The following CRACD variants were observed in gnomAD, a reference collection of about 807,000 sequenced individuals.
CRACD encodes the protein capping protein inhibiting regulator of actin dynamics.
CRACD carries 56 observed loss-of-function variants against 106.8 expected under a neutral mutation model. That is an observed-to-expected ratio of 0.52 (90% CI 0.42 to 0.66). The LOEUF (loss-of-function observed/expected upper bound fraction) is 0.66. CRACD is among the 30% of genes least tolerant of loss of function. The pLI is 0.00. For synonymous variants in CRACD, 754 were observed against 670.8 expected, an observed-to-expected ratio of 1.12 and a Z score of -1.92; for missense variants, 1,730 against 1,623.2, an observed-to-expected ratio of 1.07 and a Z score of -1.13.
intron 1 of CRACD, among the ~76,000 whole-genome samples, chr4:56,079,884 C>T (rs1319107856): frequency 6.6e-6 from 1 of 152,166 alleles, no homozygotes; most frequent in East Asian, 1.9e-4. Context: ...CCAGTTTAAT[C>T]ATTTGAATGA....
chr4:56,080,651 T>C (rs1337116048), intron 1 of CRACD, among the ~76,000 whole-genome samples: 5 of 152,194 alleles, frequency 3.3e-5, no homozygotes, highest in Admixed American at 3.3e-4. Context: ...TGAACTTGAG[T>C]ATTGTATGTG....
intron 1 of CRACD, among the ~76,000 whole-genome samples, chr4:56,131,191 A>G (rs904959881): frequency 2.6e-5 from 4 of 152,220 alleles, no homozygotes; most frequent in Non-Finnish European, 5.9e-5. Context: ...ACAACGTGGT[A>G]TAACCTAGGC....
At chr4:56,262,336 G>A (rs1278980052) in intron 2 of CRACD, among the ~76,000 whole-genome samples, 1 of 152,166 alleles carries the variant, frequency 6.6e-6, no homozygotes, top group Non-Finnish European at 1.5e-5. Flanking sequence ...GGTTATGTAT[G>A]TATGTGTTTT....
At chr4:56,122,631 C>T (rs1016132972) in intron 1 of CRACD, among the ~76,000 whole-genome samples, 8 of 152,222 alleles carry the variant, frequency 5.3e-5, no homozygotes, top group African/African-American at 1.9e-4. Context: ...CTGCCCCCAA[C>T]ATCTACCACT....
intron 1 of CRACD, among the ~76,000 whole-genome samples, chr4:56,150,023 A>T (rs1349428792): frequency 6.6e-6 from 1 of 152,208 alleles, no homozygotes; most frequent in Admixed American, 6.5e-5. Context: ...ATCAAGCCTC[A>T]CTTATAAAGC....
intron 8 of CRACD, among the ~76,000 whole-genome samples, chr4:56,319,612 GA>G (rs935178304): frequency 1.9e-3 from 265 of 138,144 alleles, no homozygotes; most frequent in African/African-American, 5.4e-3. Flanking sequence ...TCAAAAAAAG[GA>G]AAAAAAAAAA....
chr4:56,265,572 A>AAGGCATCTG (rs1373805983), intron 2 of CRACD, among the ~76,000 whole-genome samples: 2 of 152,226 alleles, frequency 1.3e-5, no homozygotes, highest in African/African-American at 4.8e-5. Context: ...AAGGCCAAAC[A>AAGGCATCTG]AGGCATCTGA....
chr4:56,183,193 G>A (rs560836039), intron 2 of CRACD, among the ~76,000 whole-genome samples: 79 of 143,218 alleles, frequency 5.5e-4, no homozygotes, highest in African/African-American at 1.9e-3. Context: ...AGATTGCGCC[G>A]TTGCACTCCA....
intron 1 of CRACD, among the ~76,000 whole-genome samples, chr4:56,108,959 A>G (rs1734034364): frequency 6.6e-6 from 1 of 152,208 alleles, no homozygotes; most frequent in Non-Finnish European, 1.5e-5. Context: ...CCTCCGGATG[A>G]CTGCAGGCAG....
chr4:56,057,808 T>C (rs573451665), intron 1 of CRACD, among the ~76,000 whole-genome samples: 70 of 59,316 alleles, frequency 1.2e-3, no homozygotes, highest in African/African-American at 3.8e-3. Context: ...TATTTTTTTT[T>C]TTTTTGTTTT....
chr4:56,198,423 C>G (rs562741132), intron 2 of CRACD, among the ~76,000 whole-genome samples: 15 of 152,274 alleles, frequency 9.9e-5, no homozygotes, highest in Middle Eastern at 3.4e-3. Context: ...TATAATACAA[C>G]AAGATATTCT....
At chr4:56,261,351 T>G (rs1006962776) in intron 2 of CRACD, among the ~76,000 whole-genome samples, 31 of 77,822 alleles carry the variant, frequency 4.0e-4, no homozygotes, top group Admixed American at 1.4e-3. Flanking sequence ...TGTTACTGCT[T>G]CTTCTTCTTC....
chr4:56,077,516 A>G (rs1732885314), intron 1 of CRACD, among the ~76,000 whole-genome samples: 1 of 152,232 alleles, frequency 6.6e-6, no homozygotes, highest in African/African-American at 2.4e-5. Context: ...AGCCTCATGT[A>G]AGTCCAAGTC....
At chr4:56,171,895 G>A (rs1736382521) in intron 1 of CRACD, among the ~76,000 whole-genome samples, 1 of 152,120 alleles carries the variant, frequency 6.6e-6, no homozygotes, top group South Asian at 2.1e-4. Context: ...ACAGCTTTAA[G>A]GAGGTCTGTT....
At chr4:56,151,713 G>C (rs2109891149) in intron 1 of CRACD, among the ~76,000 whole-genome samples, 1 of 151,844 alleles carries the variant, frequency 6.6e-6, no homozygotes, top group East Asian at 1.9e-4. Flanking sequence ...ATGTCTCTGT[G>C]GTCTCTAATC....
In CRACD at chr4:56,307,568, C is replaced by T. The variant is rs775295493; in HGVS notation, c.154C>T (p.Arg52Trp). ...GGGCAAGAATATCAAGTTTGGGCAG[C>T]GGTCACCCAATGCCATTCCCATGAA... ...QLGKNIKFGQ[R>W]SPNAIPMNKA... The change falls in exon 5 of 11, where the codon CGG becomes TGG. Residue 52 changes from arginine to tryptophan, a missense_variant. Coordinates refer to ENST00000682029, the MANE Select transcript of CRACD (RefSeq NM_001393381.1). The T allele has an allele frequency of 4.1e-5, 66 of 1,614,026 alleles. 2 individuals carry two copies. The South Asian group carries it at 4.2e-4, about 10-fold the overall frequency.
intron 3 of CRACD, among the ~76,000 whole-genome samples, chr4:56,276,418 A>G (rs1456256760): frequency 1.3e-5 from 2 of 152,178 alleles, no homozygotes; most frequent in African/African-American, 4.8e-5. Context: ...GTATTTCAAT[A>G]TTCCTTTGAC....
At chr4:56,188,622 C>CCCCTCTCT (rs1553908619) in intron 2 of CRACD, among the ~76,000 whole-genome samples, 1 of 121,546 alleles carries the variant, frequency 8.2e-6, no homozygotes, top group African/African-American at 3.6e-5. Context: ...ATCTGTCTAG[C>CCCCTCTCT]CTCTCTCTCT....
At chr4:56,257,251 C>T (rs4864573) in intron 2 of CRACD, among the ~76,000 whole-genome samples, 69,551 of 151,522 alleles carry the variant, frequency 0.46, 16,249 homozygotes, top group East Asian at 0.71. Flanking sequence ...CTGGCTAATT[C>T]TTATATTTTT....
Sources: gnomAD v4.1 joint callset for allele counts (sites outside exome capture counted in the v4.1 genomes callset) on GRCh38, gnomAD v4.1.1 for gene constraint, MANE v1.5 for transcripts, NCBI Gene and HGNC (gene_info 2026-07-23, HGNC 2026-07-21) for gene names.